SMIM36: variants seen among roughly 807,000 people sequenced by gnomAD.
SMIM36 encodes the protein small integral membrane protein 36.
intron 4 of SMIM36, among the ~76,000 whole-genome samples, chr17:55,465,551 G>A (rs1022297473): frequency 1.3e-5 from 2 of 152,148 alleles, no homozygotes; most frequent in Non-Finnish European, 2.9e-5. Flanking sequence ...TTGGGTAGAT[G>A]CATATGACAG....
intron 4 of SMIM36, among the ~76,000 whole-genome samples, chr17:55,462,589 G>A (rs986119437): frequency 8.5e-5 from 13 of 152,192 alleles, no homozygotes; most frequent in Non-Finnish European, 1.3e-4. Context: ...CTGGGCAACA[G>A]AGTGAGATTA....
intron 4 of SMIM36, among the ~76,000 whole-genome samples, chr17:55,457,716 G>A (rs111965927): frequency 2.6e-5 from 4 of 151,632 alleles, no homozygotes; most frequent in African/African-American, 9.7e-5. Context: ...TAGTAGAGAC[G>A]GGATTCACTA....
At chr17:55,501,382 G>T (rs963164578) in intron 1 of SMIM36, among the ~76,000 whole-genome samples, 1,071 of 16,758 alleles carry the variant, frequency 0.064, 52 homozygotes, top group Middle Eastern at 0.17. Flanking sequence ...ATATATTATA[G>T]AATATAATAT....
At chr17:55,516,254 T>C (rs1910275580), upstream of SMIM36, among the ~76,000 whole-genome samples, 1 of 152,188 alleles carries the variant, frequency 6.6e-6, no homozygotes, top group Non-Finnish European at 1.5e-5. Context: ...TCCCTCTCCT[T>C]CCCAAGACTT....
chr17:55,450,748 G>A (rs1445364404), intron 4 of SMIM36, among the ~76,000 whole-genome samples: 5 of 151,452 alleles, frequency 3.3e-5, no homozygotes, highest in South Asian at 2.1e-4. Context: ...CTGGCAGAGC[G>A]TAGACAACAG....
At chr17:55,459,791 A>G (rs1012495532) in intron 4 of SMIM36, among the ~76,000 whole-genome samples, 1 of 151,976 alleles carries the variant, frequency 6.6e-6, no homozygotes, top group Non-Finnish European at 1.5e-5. Flanking sequence ...GAGCCCAGAA[A>G]TTCGAGACCA....
At position 55,488,936 on chromosome 17, in the gene SMIM36, A is replaced by C. The variant is rs2144706904; in HGVS notation, c.*175-9356T>G. ...ATCATCATCATCATCATCATTGCTA[A>C]TATTTAATGAGCACTTAGTATGGGT... On this transcript the variant is annotated intron_variant, in intron 1 of 4. Coordinates refer to ENST00000636752, the Ensembl canonical transcript of SMIM36. 2.6e-5 allele frequency among the ~76,000 whole-genome samples: 4 copies of C among 152,068 alleles called. No individual in the cohort carries two copies. The South Asian group carries it at 8.3e-4, about 32-fold the overall frequency.
intron 3 of SMIM36, among the ~76,000 whole-genome samples, chr17:55,474,457 C>G (rs1909394170): frequency 6.6e-6 from 1 of 152,164 alleles, no homozygotes; most frequent in Non-Finnish European, 1.5e-5. Flanking sequence ...TGGCTGAACA[C>G]CAGGAAGGAA....
chr17:55,521,752 G>A, the SMIM36 span, among the ~76,000 whole-genome samples: 1 of 152,180 alleles, frequency 6.6e-6, no homozygotes, highest in African/African-American at 2.4e-5. Flanking sequence ...AAGCAATCCG[G>A]AGAGGGAGGT....
chr17:55,457,818 G>A (rs552656720), intron 4 of SMIM36, among the ~76,000 whole-genome samples: 1 of 152,150 alleles, frequency 6.6e-6, no homozygotes, highest in South Asian at 2.1e-4. Flanking sequence ...GAGCTACCGC[G>A]CCGGCCTTTT....
intron 1 of SMIM36, among the ~76,000 whole-genome samples, chr17:55,493,808 C>CA (rs10555912): frequency 0.011 from 693 of 65,064 alleles, 35 homozygotes; most frequent in Middle Eastern, 0.018. Flanking sequence ...CTCTCTCTCT[C>CA]AAAAAAAAAA....
intron 1 of SMIM36, among the ~76,000 whole-genome samples, chr17:55,483,703 T>C (rs78353145): frequency 0.08 from 12,198 of 152,256 alleles, 540 homozygotes; most frequent in South Asian, 0.15. Context: ...GGCACAATCT[T>C]GGCTCACTGC....
At chr17:55,529,609 TACACACAC>T in the SMIM36 span, among the ~76,000 whole-genome samples, 396 of 143,018 alleles carry the variant, frequency 2.8e-3, 4 homozygotes, top group African/African-American at 9.7e-3. Flanking sequence ...CTACTAAAAA[TACACACAC>T]ACACACACAC....
rs547350033 is a variant in SMIM36, at chr17:55,465,980, A to ATT, written c.*531+1164_*531+1165insAA. Among the ~76,000 whole-genome samples the ATT allele has an allele frequency of 1.2e-4, 18 of 152,238 alleles. 1 individual carries two copies. In the East Asian group the frequency reaches 3.3e-3, roughly 28 times the overall value. ...GTGCTTTGAGCCAGGAGACAGGAAG[A>ATT]TAAGAAAGTGCTGGCAGGGCATGGT... is the stretch of plus-strand genomic sequence containing the variant. On this transcript the variant is annotated intron_variant, in intron 4 of 4. Coordinates refer to ENST00000636752, the Ensembl canonical transcript of SMIM36.
At chr17:55,525,234 A>T in the SMIM36 span, among the ~76,000 whole-genome samples, 1 of 152,118 alleles carries the variant, frequency 6.6e-6, no homozygotes, top group Non-Finnish European at 1.5e-5. Flanking sequence ...TATTTTCATT[A>T]TTCACATATA....
intron 1 of SMIM36, among the ~76,000 whole-genome samples, chr17:55,501,947 C>G (rs1355608046): frequency 2.0e-5 from 3 of 148,300 alleles, no homozygotes; most frequent in Non-Finnish European, 1.5e-5. Flanking sequence ...CTTTCCGAGT[C>G]AAAGAAAGGG....
chr17:55,514,192 T>C (rs12951687), upstream of SMIM36, among the ~76,000 whole-genome samples: 59,230 of 151,886 alleles, frequency 0.39, 13,024 homozygotes, highest in Non-Finnish European at 0.49. Flanking sequence ...TTTCCTCTGG[T>C]GCCATCTAGT....
Sources: allele counts gnomAD v4.1 joint callset (sites outside exome capture counted in the v4.1 genomes callset), GRCh38; gene constraint gnomAD v4.1.1; transcripts MANE v1.5; gene names NCBI Gene and HGNC (gene_info 2026-07-23, HGNC 2026-07-21).